Variants in REDIC1 observed in about 807,000 individuals in gnomAD.
REDIC1 encodes the protein HEI10 Interacting Protein 1.
the REDIC1 span, among the ~76,000 whole-genome samples, chr12:39,795,338 T>C: frequency 6.6e-6 from 1 of 152,176 alleles, no homozygotes; most frequent in East Asian, 1.9e-4. Flanking sequence ...AAACTTAATT[T>C]ATCATATATT....
At chr12:39,750,485 C>T in the REDIC1 span, among the ~76,000 whole-genome samples, 124,998 of 152,072 alleles carry the variant, frequency 0.82, 51,556 homozygotes, top group Non-Finnish European at 0.84. Flanking sequence ...GACCATACTG[C>T]CCAAGGTAAT....
the REDIC1 span, among the ~76,000 whole-genome samples, chr12:39,892,917 G>GA: frequency 5.3e-5 from 8 of 151,656 alleles, no homozygotes; most frequent in Non-Finnish European, 1.0e-4. Context: ...TGTTAGCAAA[G>GA]AAAAAAAGCA....
chr12:39,812,372 CT>C, the REDIC1 span, among the ~76,000 whole-genome samples: 11,809 of 141,370 alleles, frequency 0.084, 571 homozygotes, highest in Middle Eastern at 0.11. Context: ...CTTTTCTTTT[CT>C]TTTCTTTTCT....
chr12:39,842,226 A>C, the REDIC1 span, among the ~76,000 whole-genome samples: 2 of 152,092 alleles, frequency 1.3e-5, no homozygotes, highest in Admixed American at 6.6e-5. Context: ...AGAAGACCAG[A>C]TTAGAAATAC....
chr12:39,716,586 A>G, the REDIC1 span, among the ~76,000 whole-genome samples: 1 of 152,074 alleles, frequency 6.6e-6, no homozygotes, highest in Non-Finnish European at 1.5e-5. Context: ...AAATCCTGTC[A>G]GAATTGTAAG....
chr12:39,685,891 A>G, the REDIC1 span, among the ~76,000 whole-genome samples: 1 of 152,380 alleles, frequency 6.6e-6, no homozygotes, highest in African/African-American at 2.4e-5. Context: ...GAAAGGGGCT[A>G]CAGGCCCCAT....
chr12:39,880,183 G>T, the REDIC1 span, among the ~76,000 whole-genome samples: 1 of 152,174 alleles, frequency 6.6e-6, no homozygotes, highest in Non-Finnish European at 1.5e-5. Context: ...TGTAAAGTTT[G>T]TAGAACCATA....
the REDIC1 span, among the ~76,000 whole-genome samples, chr12:39,738,471 G>A: frequency 4.6e-5 from 7 of 152,238 alleles, no homozygotes; most frequent in South Asian, 2.1e-4. Flanking sequence ...ATCCACACCC[G>A]GTTGCCTAAG....
chr12:39,765,818 TCAACC>T, the REDIC1 span, among the ~76,000 whole-genome samples: 2 of 152,100 alleles, frequency 1.3e-5, no homozygotes, highest in Non-Finnish European at 2.9e-5. Context: ...GCTGTGCCTA[TCAACC>T]CATCACCTAG....
At chr12:39,896,155 C>G in the REDIC1 span, among the ~76,000 whole-genome samples, 6 of 146,172 alleles carry the variant, frequency 4.1e-5, no homozygotes, top group African/African-American at 7.6e-5. Flanking sequence ...TATATGTATA[C>G]ACGTGTATAC....
chr12:39,880,313 G>A, the REDIC1 span, among the ~76,000 whole-genome samples: 92 of 152,206 alleles, frequency 6.0e-4, no homozygotes, highest in African/African-American at 2.1e-3. Flanking sequence ...ATAGAAAAAT[G>A]TTTTACTCAA....
the REDIC1 span, among the ~76,000 whole-genome samples, chr12:39,633,755 T>C: frequency 6.6e-6 from 1 of 152,200 alleles, no homozygotes; most frequent in African/African-American, 2.4e-5. Flanking sequence ...GGGACCACTG[T>C]TGTATAAGTG....
the REDIC1 span, among the ~76,000 whole-genome samples, chr12:39,679,404 A>G: frequency 2.0e-5 from 3 of 152,216 alleles, no homozygotes; most frequent in African/African-American, 7.2e-5. Flanking sequence ...AACCCCTTTT[A>G]CAACAGCTGC....
At chr12:39,895,984 A>ACATT in the REDIC1 span, among the ~76,000 whole-genome samples, 1 of 144,790 alleles carries the variant, frequency 6.9e-6, no homozygotes, top group Non-Finnish European at 1.5e-5. Context: ...ATGTATACAT[A>ACATT]CATTCATATA....
chr12:39,843,555 T>C, the REDIC1 span, among the ~76,000 whole-genome samples: 2 of 152,080 alleles, frequency 1.3e-5, no homozygotes, highest in Non-Finnish European at 2.9e-5. Flanking sequence ...TATAATACAA[T>C]TCCTTATATG....
At chr12:39,639,220 TTGAA>T in the REDIC1 span, among the ~76,000 whole-genome samples, 6 of 152,016 alleles carry the variant, frequency 3.9e-5, no homozygotes, top group African/African-American at 1.2e-4. Context: ...TTTGTAAAGT[TTGAA>T]TGGCAGCAGT....
chr12:39,834,865 A>T, the REDIC1 span, among the ~76,000 whole-genome samples: 1 of 152,082 alleles, frequency 6.6e-6, no homozygotes, highest in South Asian at 2.1e-4. Flanking sequence ...GGTGGCACAA[A>T]ACTTTAAATA....
At chr12:39,863,835 C>T in the REDIC1 span, among the ~76,000 whole-genome samples, 3 of 152,172 alleles carry the variant, frequency 2.0e-5, no homozygotes, top group South Asian at 2.1e-4. Context: ...CATAAATTCA[C>T]GCTCAACTGG....
the REDIC1 span, among the ~76,000 whole-genome samples, chr12:39,630,899 G>A: frequency 6.6e-6 from 1 of 152,238 alleles, no homozygotes; most frequent in Non-Finnish European, 1.5e-5. Context: ...TGCCTGAAAC[G>A]GTCAAGGTTT....
Sources: allele counts gnomAD v4.1 joint callset (sites outside exome capture counted in the v4.1 genomes callset), GRCh38; gene constraint gnomAD v4.1.1; transcripts MANE v1.5; gene names NCBI Gene and HGNC (gene_info 2026-07-23, HGNC 2026-07-21).